STK33: variants seen among roughly 807,000 people sequenced by gnomAD.
The protein encoded by STK33 is serine/threonine kinase 33, also known as serine/threonine-protein kinase 33.
STK33 carries 52 observed loss-of-function variants against 58.0 expected under a neutral mutation model. The ratio of observed to expected loss-of-function variants is 0.90; its 90% CI spans 0.72 to 1.13. The LOEUF (loss-of-function observed/expected upper bound fraction) is 1.13. STK33 is among the 50% of genes most tolerant of loss of function. The probability of loss-of-function intolerance (pLI) is 0.00; values close to 1 mark genes in which losing one functional copy is unlikely to be tolerated. For synonymous variants in STK33, 215 were observed against 200.1 expected (o/e 1.07, Z -0.63); for missense variants, 630 against 604.2 (o/e 1.04, Z -0.45).
intron 1 of STK33, among the ~76,000 whole-genome samples, chr11:8,569,455 A>C (rs1482802548): frequency 2.0e-5 from 3 of 152,234 alleles, no homozygotes; most frequent in Non-Finnish European, 4.4e-5. Context: ...CACCACCCAC[A>C]GACATTAACT....
At chr11:8,487,332 G>A (rs1452706495) in intron 1 of STK33, among the ~76,000 whole-genome samples, 1 of 151,178 alleles carries the variant, frequency 6.6e-6, no homozygotes, top group African/African-American at 2.4e-5. Flanking sequence ...TGACATAGGA[G>A]GATCACCTGA....
intron 1 of STK33, among the ~76,000 whole-genome samples, chr11:8,489,300 A>G (rs1269471830): frequency 6.6e-6 from 1 of 151,478 alleles, no homozygotes; most frequent in Non-Finnish European, 1.5e-5. Context: ...AAAGAAAAGA[A>G]CTAAAAGAAA....
In STK33 at chr11:8,440,701, G is replaced by A; in HGVS notation, c.924C>T (p.Ser308=). ...HDYSQQCDIW[S]IGVVMYMLLR... is the part of the protein sequence containing the mutation. ...ACAACATGTACATTACGACGCCTAT[G>A]CTCCAAATGTCACACTGCTGGCTAT... The change falls in exon 12 of 16, where the codon AGC becomes AGT. Residue 308 remains serine (S), a synonymous_variant. Transcript: ENST00000687296. The A allele has an allele frequency of 1.3e-6, 2 of 1,569,552 alleles. No individual in the cohort carries two copies. Among genetic ancestry groups the A allele is most frequent in the Non-Finnish European group, 1.7e-6 (2 of 1,155,092 alleles).
At chr11:8,492,271 C>CA (rs1037431609) in intron 1 of STK33, among the ~76,000 whole-genome samples, 21 of 143,474 alleles carry the variant, frequency 1.5e-4, no homozygotes, top group South Asian at 4.4e-4. Context: ...AAATGGAAAA[C>CA]AAAAAAAAAA....
chr11:8,502,388 T>C (rs1332668752), intron 1 of STK33, among the ~76,000 whole-genome samples: 1 of 152,122 alleles, frequency 6.6e-6, no homozygotes, highest in Non-Finnish European at 1.5e-5. Flanking sequence ...GGAAAAGGAC[T>C]CCCTATTCAA....
At chr11:8,524,898 G>A (rs957819437) in intron 1 of STK33, among the ~76,000 whole-genome samples, 1 of 151,828 alleles carries the variant, frequency 6.6e-6, no homozygotes. Flanking sequence ...TTTTTGAGGG[G>A]ATAGATATGT....
intron 1 of STK33, among the ~76,000 whole-genome samples, chr11:8,571,816 G>A (rs1460713329): frequency 1.4e-5 from 2 of 145,436 alleles, no homozygotes; most frequent in South Asian, 2.2e-4. Context: ...CTGGGCGACA[G>A]AGCGAGACCC....
chr11:8,394,187 T>A (rs1224429822), intron 15 of STK33, among the ~76,000 whole-genome samples: 2 of 152,196 alleles, frequency 1.3e-5, no homozygotes, highest in African/African-American at 4.8e-5. Flanking sequence ...TAGGTTGTAT[T>A]TTTATCGAAA....
intron 15 of STK33, among the ~76,000 whole-genome samples, chr11:8,404,392 A>G (rs1303778151): frequency 6.6e-6 from 1 of 152,190 alleles, no homozygotes; most frequent in Non-Finnish European, 1.5e-5. Context: ...CAGGAAATAG[A>G]ACAATTACCA....
chr11:8,418,847 A>G (rs2135803829), intron 14 of STK33, among the ~76,000 whole-genome samples: 1 of 152,142 alleles, frequency 6.6e-6, no homozygotes, highest in African/African-American at 2.4e-5. Context: ...ATAATCAGTG[A>G]TCTTGAGCTT....
chr11:8,343,493 T>C, the STK33 span, among the ~76,000 whole-genome samples: 1 of 152,072 alleles, frequency 6.6e-6, no homozygotes, highest in African/African-American at 2.4e-5. Context: ...CAGTCAGCTG[T>C]CCCTGTGAGC....
chr11:8,526,346 C>T (rs977467151), intron 1 of STK33, among the ~76,000 whole-genome samples: 1 of 151,474 alleles, frequency 6.6e-6, no homozygotes, highest in Non-Finnish European at 1.5e-5. Flanking sequence ...GAGCCGAGAT[C>T]GCACCACTGT....
chr11:8,376,043 C>A, the STK33 span, among the ~76,000 whole-genome samples: 253 of 152,284 alleles, frequency 1.7e-3, no homozygotes, highest in African/African-American at 5.9e-3. Context: ...TACAACAGGG[C>A]AAATGCATTC....
At position 8,552,374 on chromosome 11, in the gene STK33, G is replaced by A. The variant is rs187114078; in HGVS notation, c.-466+41709C>T. 1.2e-4 allele frequency among the ~76,000 whole-genome samples: 19 copies of A among 152,296 alleles called. No individual in the cohort carries two copies. The East Asian group carries it at 2.5e-3, about 20-fold the overall frequency. The stretch of plus-strand genomic sequence containing the variant: ...TATTTTTGTAGGGAGAGTGATGCCA[G>A]AGGATCTTCTATTCTGCTGCTTGGC... On this transcript the variant is annotated intron_variant, in intron 1 of 15. Transcript: ENST00000687296.
chr11:8,548,589 A>C (rs956875837), intron 1 of STK33, among the ~76,000 whole-genome samples: 2 of 152,180 alleles, frequency 1.3e-5, no homozygotes, highest in Non-Finnish European at 2.9e-5. Context: ...TTGACTATTC[A>C]GAGTCTTTTG....
chr11:8,379,149 C>T, the STK33 span, among the ~76,000 whole-genome samples: 28 of 152,032 alleles, frequency 1.8e-4, no homozygotes, highest in South Asian at 6.2e-4. Flanking sequence ...CAACTCAAGA[C>T]GGATCAAAAG....
At chr11:8,359,883 GAAGA>G in the STK33 span, among the ~76,000 whole-genome samples, 7,494 of 152,332 alleles carry the variant, frequency 0.049, 245 homozygotes, top group Middle Eastern at 0.078. Flanking sequence ...AGCTTTCTTA[GAAGA>G]AAGGAGACTT....
intron 1 of STK33, among the ~76,000 whole-genome samples, chr11:8,532,745 G>T (rs556181634): frequency 2.6e-5 from 4 of 152,252 alleles, no homozygotes; most frequent in Admixed American, 6.5e-5. Flanking sequence ...CATTGAAAGG[G>T]TAACTTGCAG....
At position 8,413,709 on chromosome 11, in the gene STK33, AT is replaced by A; in HGVS notation, c.1147-18del. ...TTTATTGCCCTAATATTAACAATCAATTTTTGGTGTTATAAACAACTTAGAG... is the reference window on the plus strand; with the variant it reads ...TTTATTGCCCTAATATTAACAATCAATTTTGGTGTTATAAACAACTTAGAG... On this transcript the variant is annotated intron_variant, in intron 14 of 15. Coordinates refer to ENST00000687296, the MANE Select transcript of STK33 (RefSeq NM_001352389.2). 1.2e-6 allele frequency: 2 copies of A among 1,608,738 alleles called. No homozygotes were observed.
Sources: allele counts gnomAD v4.1 joint callset (sites outside exome capture counted in the v4.1 genomes callset), GRCh38; gene constraint gnomAD v4.1.1; transcripts MANE v1.5; gene names NCBI Gene and HGNC (gene_info 2026-07-23, HGNC 2026-07-21).